Variants in SLX4IP observed in about 807,000 individuals in gnomAD.
The protein encoded by SLX4IP is protein SLX4IP.
SLX4IP carries 34 observed loss-of-function variants against 32.9 expected under a neutral mutation model. That is an observed-to-expected ratio of 1.03 (90% confidence interval 0.79 to 1.38). SLX4IP has a LOEUF of 1.38. SLX4IP is among the 40% of genes most tolerant of loss of function. The pLI is 0.00. For synonymous variants in SLX4IP, 172 were observed against 171.7 expected (o/e 1.00, Z -0.01); for missense variants, 444 against 479.0 (o/e 0.93, Z 0.68).
chr20:10,533,878 C>T (rs1218890982), intron 2 of SLX4IP, among the ~76,000 whole-genome samples: 1 of 152,122 alleles, frequency 6.6e-6, no homozygotes, highest in Non-Finnish European at 1.5e-5. Flanking sequence ...CCTCAGCCTC[C>T]CAAAGTGCTA....
intron 2 of SLX4IP, among the ~76,000 whole-genome samples, chr20:10,530,008 C>T (rs1057430052): frequency 7.9e-5 from 12 of 152,178 alleles, no homozygotes; most frequent in African/African-American, 2.9e-4. Flanking sequence ...GTTGAAGTCT[C>T]AACTGCCGAG....
At chr20:10,545,460 C>G (rs1294314309) in intron 2 of SLX4IP, among the ~76,000 whole-genome samples, 2 of 152,114 alleles carry the variant, frequency 1.3e-5, no homozygotes, top group Non-Finnish European at 2.9e-5. Flanking sequence ...CCTTGATACA[C>G]AGTACTCATT....
intron 6 of SLX4IP, among the ~76,000 whole-genome samples, chr20:10,618,018 C>T (rs756854327): frequency 6.6e-6 from 1 of 152,214 alleles, no homozygotes; most frequent in South Asian, 2.1e-4. Flanking sequence ...CCTAGCTCAT[C>T]CTGGTGGGGA....
Position 10,492,118 on chromosome 20 carries a change from G to A in SLX4IP, c.27+33887G>A, listed in dbSNP as rs146581340. ...ATAACTCTATGCCATTTATTTACCC[G>A]TTTCTGCTGAATGTTTAAGTTTTCC... On this transcript the variant is annotated intron_variant, in intron 2 of 7. Transcript: ENST00000334534. 6.0e-3 allele frequency among the ~76,000 whole-genome samples: 909 copies of A among 152,236 alleles called. 10 individuals are homozygous for A. The highest frequency in any genetic ancestry group is 0.02 in the African/African-American group (823 of 41,536).
chr20:10,458,825 G>A (rs558466825), intron 2 of SLX4IP, among the ~76,000 whole-genome samples: 11 of 151,988 alleles, frequency 7.2e-5, no homozygotes, highest in Admixed American at 1.3e-4. Flanking sequence ...ATGAACATAC[G>A]CATGCATGTT....
intron 6 of SLX4IP, among the ~76,000 whole-genome samples, chr20:10,615,372 C>G (rs1251593936): frequency 6.6e-6 from 1 of 152,192 alleles, no homozygotes; most frequent in Non-Finnish European, 1.5e-5. Flanking sequence ...TCTCTCTTGC[C>G]TCCAGGAGCA....
In SLX4IP at chr20:10,525,663, T is replaced by C. The variant is rs1905940964; in HGVS notation, c.28-30568T>C. Reference sequence around the variant, plus strand: ...CCTCCAGAATTATTCAAATGAATTATAAAGTCCTTCCAAGAAATATTTTCC... The same window carrying C: ...CCTCCAGAATTATTCAAATGAATTACAAAGTCCTTCCAAGAAATATTTTCC... On this transcript the variant is annotated intron_variant, in intron 2 of 7. Transcript: ENST00000334534. Among the ~76,000 whole-genome samples the C allele has an allele frequency of 2.0e-5, 3 of 152,208 alleles. No individual in the cohort carries two copies. In the South Asian group the frequency reaches 6.2e-4, roughly 31 times the overall value.
At chr20:10,523,251 C>T (rs1327713384) in intron 2 of SLX4IP, among the ~76,000 whole-genome samples, 3 of 152,124 alleles carry the variant, frequency 2.0e-5, no homozygotes, top group Non-Finnish European at 4.4e-5. Flanking sequence ...GTCAGAGAGA[C>T]AGGCTTATAG....
At chr20:10,493,246 C>T (rs1353773502) in intron 2 of SLX4IP, among the ~76,000 whole-genome samples, 1 of 152,148 alleles carries the variant, frequency 6.6e-6, no homozygotes, top group Non-Finnish European at 1.5e-5. Context: ...AATTGGGGAG[C>T]ATTGCAGTCT....
intron 4 of SLX4IP, among the ~76,000 whole-genome samples, chr20:10,579,890 C>T (rs904419868): frequency 6.6e-6 from 1 of 151,954 alleles, no homozygotes; most frequent in African/African-American, 2.4e-5. Flanking sequence ...GATCAAGAAT[C>T]TTTTTTAACC....
chr20:10,446,602 G>A (rs2065204647), intron 1 of SLX4IP, among the ~76,000 whole-genome samples: 1 of 152,058 alleles, frequency 6.6e-6, no homozygotes, highest in Non-Finnish European at 1.5e-5. Flanking sequence ...ATATATGAGA[G>A]ATCTATTTTC....
intron 1 of SLX4IP, among the ~76,000 whole-genome samples, chr20:10,452,631 A>G (rs1424402432): frequency 6.8e-6 from 1 of 147,150 alleles, no homozygotes; most frequent in Non-Finnish European, 1.5e-5. Flanking sequence ...ACGCTATTGC[A>G]CTCCAGCCTG....
chr20:10,622,071 T>A (rs2067117376), intron 7 of SLX4IP, among the ~76,000 whole-genome samples: 1 of 152,232 alleles, frequency 6.6e-6, no homozygotes, highest in Admixed American at 6.5e-5. Flanking sequence ...CTTCCACGAT[T>A]GTATTTTATT....
intron 2 of SLX4IP, among the ~76,000 whole-genome samples, chr20:10,517,356 A>C (rs1211680820): frequency 2.0e-5 from 3 of 152,208 alleles, no homozygotes; most frequent in Non-Finnish European, 2.9e-5. Flanking sequence ...CAAAGAATGG[A>C]CATAGGCCAG....
intron 6 of SLX4IP, chr20:10,614,007 T>C (rs2066998026): frequency 1.5e-6 from 2 of 1,293,336 alleles, no homozygotes. Context: ...CTGTTCTCTG[T>C]CACCGAGAAT....
chr20:10,452,355 G>A (rs890459837), intron 1 of SLX4IP, among the ~76,000 whole-genome samples: 6 of 151,732 alleles, frequency 4.0e-5, no homozygotes, highest in Non-Finnish European at 5.9e-5. Flanking sequence ...AGATGGTGAA[G>A]CTCCATCTCT....
chr20:10,598,160 C>T (rs988916221), intron 4 of SLX4IP, among the ~76,000 whole-genome samples: 5 of 152,192 alleles, frequency 3.3e-5, no homozygotes, highest in Admixed American at 6.5e-5. Flanking sequence ...ACTTCAGGGA[C>T]TAGGGACTAT....
At chr20:10,606,587 C>T (rs2122555093) in intron 6 of SLX4IP, among the ~76,000 whole-genome samples, 1 of 152,308 alleles carries the variant, frequency 6.6e-6, no homozygotes, top group East Asian at 1.9e-4. Context: ...TCATATTTCA[C>T]ATTTTCCACA....
At chr20:10,476,633 A>T (rs1444593616) in intron 2 of SLX4IP, among the ~76,000 whole-genome samples, 1 of 152,148 alleles carries the variant, frequency 6.6e-6, no homozygotes, top group Non-Finnish European at 1.5e-5. Flanking sequence ...TGCATTCTTG[A>T]TCTGCTGCGC....
Sources: gnomAD v4.1 joint callset for allele counts (sites outside exome capture counted in the v4.1 genomes callset) on GRCh38, gnomAD v4.1.1 for gene constraint, MANE v1.5 for transcripts, NCBI Gene and HGNC (gene_info 2026-07-23, HGNC 2026-07-21) for gene names.